Variants in CRTC1 observed in about 807,000 individuals in gnomAD.
The protein encoded by CRTC1 is CREB-regulated transcription coactivator 1.
A neutral mutation model predicts 66.1 loss-of-function variants in CRTC1; 18 were observed. The ratio of observed to expected loss-of-function variants is 0.27; its 90% confidence interval spans 0.19 to 0.40. The LOEUF is 0.40. Among genes scored for constraint, CRTC1 ranks in the 10% least tolerant of loss-of-function variants. CRTC1 has a pLI of 1.00. For missense variants in CRTC1, 669 were observed against 887.9 expected (o/e 0.75, Z 3.13); for synonymous variants, 416 against 398.8 (o/e 1.04, Z -0.51).
At chr19:18,757,350 A>G (rs2054512231) in intron 6 of CRTC1, among the ~76,000 whole-genome samples, 1 of 151,982 alleles carries the variant, frequency 6.6e-6, no homozygotes, top group Admixed American at 6.5e-5. Context: ...TAGTGCCCCC[A>G]ACTCACAGGG....
At chr19:18,716,489 A>T (rs1178392660) in intron 1 of CRTC1, among the ~76,000 whole-genome samples, 1 of 152,098 alleles carries the variant, frequency 6.6e-6, no homozygotes, top group African/African-American at 2.4e-5. Flanking sequence ...TGACCTCATG[A>T]TCCACCCACC....
In CRTC1 at chr19:18,768,224, G is replaced by A. The variant is rs754925128; in HGVS notation, c.1012-261G>A. Among the ~76,000 whole-genome samples, 8 of 152,176 alleles carry A rather than the reference G, an allele frequency of 5.3e-5. No individual in the cohort carries two copies. Among genetic ancestry groups the A allele is most frequent in the Admixed American group, 2.6e-4 (4 of 15,288 alleles). ...GCTGGTGGACTGGCCTGAGCTGCAC[G>A]GCATGTAGTGCGGGTGCAGGCACAA... On this transcript the variant is annotated intron_variant, in intron 9 of 13. Transcript: ENST00000321949. The surrounding 1 kb of genome is among the most constrained non-coding windows in gnomAD (Gnocchi z 5.6).
In CRTC1 at chr19:18,768,423, C is replaced by T; in HGVS notation, c.1012-62C>T. ...TGCTGAGCATGCCAGGCTATGGGGGCCCGAGGGGGCCAGGCGCTGACAACC... is the reference window on the plus strand; with the variant it reads ...TGCTGAGCATGCCAGGCTATGGGGGTCCGAGGGGGCCAGGCGCTGACAACC... On this transcript the variant is annotated intron_variant, in intron 9 of 13. Transcript: ENST00000321949. The surrounding 1 kb of genome is among the most constrained non-coding windows in gnomAD (Gnocchi z 5.6). The T allele has an allele frequency of 7.0e-7, 1 of 1,438,838 alleles. No individual in the cohort carries two copies. Among genetic ancestry groups the T allele is most frequent in the South Asian group, 1.2e-5 (1 of 83,208 alleles). 89.1% of individuals were successfully genotyped at this position (1,438,838 alleles called of 1,614,324 possible). A position where few individuals can be genotyped will look rare whatever the true frequency, so the allele number is the denominator to read the frequency against.
intron 6 of CRTC1, among the ~76,000 whole-genome samples, chr19:18,757,539 T>C (rs748549207): frequency 1.8e-4 from 27 of 152,190 alleles, no homozygotes; most frequent in Admixed American, 1.4e-3. Context: ...CCGGCAGGTC[T>C]TTCTGCTGGG....
At chr19:18,712,328 G>T (rs2053410361) in intron 1 of CRTC1, among the ~76,000 whole-genome samples, 1 of 152,030 alleles carries the variant, frequency 6.6e-6, no homozygotes. Context: ...GCATGATGTT[G>T]GTTCACTGTA....
At chr19:18,746,808 T>G (rs1437628668) in intron 3 of CRTC1, among the ~76,000 whole-genome samples, 2 of 152,112 alleles carry the variant, frequency 1.3e-5, no homozygotes, top group Admixed American at 6.5e-5. Context: ...GCACGTGTGC[T>G]CACGGAGCAG....
intron 1 of CRTC1, among the ~76,000 whole-genome samples, chr19:18,693,541 G>A (rs1266081005): frequency 1.3e-5 from 2 of 149,712 alleles, no homozygotes; most frequent in Non-Finnish European, 3.0e-5. Flanking sequence ...GAGTGCAGCG[G>A]TGTGATCTCA....
intron 1 of CRTC1, among the ~76,000 whole-genome samples, chr19:18,704,824 C>A (rs2053225282): frequency 6.6e-6 from 1 of 152,172 alleles, no homozygotes; most frequent in African/African-American, 2.4e-5. Flanking sequence ...TTGCAATCAT[C>A]ACCACCATCT....
chr19:18,758,901 G>C (rs986593758), intron 6 of CRTC1, among the ~76,000 whole-genome samples: 2 of 152,222 alleles, frequency 1.3e-5, no homozygotes, highest in African/African-American at 2.4e-5. Context: ...GAACAGCATG[G>C]ATGGTTGGGG....
rs2053993990 is a variant in CRTC1 at position 18,736,214 on chromosome 19, G to A, written c.127-6696G>A. On this transcript the variant is annotated intron_variant, in intron 1 of 13. Coordinates refer to ENST00000321949, the MANE Select transcript of CRTC1 (RefSeq NM_015321.3). ...CGCTTGGAGATCCCTCCAAGGCCCAGGCCTCCTGCCTTCATTCCAGGGTCC... is the reference window on the plus strand; with the variant it reads ...CGCTTGGAGATCCCTCCAAGGCCCAAGCCTCCTGCCTTCATTCCAGGGTCC... Among the ~76,000 whole-genome samples, 4 of 152,198 alleles carry A rather than the reference G, an allele frequency of 2.6e-5. No individual in the cohort carries two copies. The South Asian group carries it at 8.3e-4, about 32-fold the overall frequency.
At chr19:18,703,051 C>T (rs955591994) in intron 1 of CRTC1, among the ~76,000 whole-genome samples, 6 of 151,622 alleles carry the variant, frequency 4.0e-5, no homozygotes, top group African/African-American at 1.5e-4. Flanking sequence ...AGCTGAGACT[C>T]GGCTCACTGT....
intron 1 of CRTC1, among the ~76,000 whole-genome samples, chr19:18,690,547 C>T (rs2052804735): frequency 6.6e-6 from 1 of 152,308 alleles, no homozygotes; most frequent in Middle Eastern, 3.4e-3. Flanking sequence ...AGGTTGTGAG[C>T]TGCATGCCCT....
intron 2 of CRTC1, among the ~76,000 whole-genome samples, chr19:18,745,067 CAG>C (rs2054200314): frequency 6.6e-6 from 1 of 152,210 alleles, no homozygotes; most frequent in African/African-American, 2.4e-5. Flanking sequence ...GTGGGCAACA[CAG>C]GGTCAGGGCG....
chr19:18,768,562 A>ACCGCCGCAGCCCCAGCCC lies in CRTC1; in HGVS notation c.1097_1114dup (p.Gln366_Pro371dup). 6.3e-7 allele frequency: 1 copy of ACCGCCGCAGCCCCAGCCC among 1,598,984 alleles called. No homozygotes were observed. The highest frequency in any genetic ancestry group is 8.5e-7 in the Non-Finnish European group (1 of 1,174,056). ...TCACCCAGGCGGGCTCCCAGCAGCC[A>ACCGCCGCAGCCCCAGCCC]CCGCCGCAGCCCCAGCCCCCGCCGC... On this transcript the variant is annotated inframe_insertion, in exon 10 of 14. Coordinates refer to ENST00000321949, the MANE Select transcript of CRTC1 (RefSeq NM_015321.3). This position sits in a 1 kb window ranked among gnomAD's most constrained non-coding sequence, Gnocchi z 5.6.
intron 1 of CRTC1, among the ~76,000 whole-genome samples, chr19:18,687,713 C>T (rs181588942): frequency 2.6e-5 from 4 of 152,242 alleles, no homozygotes; most frequent in South Asian, 2.1e-4. Flanking sequence ...TCACAGTTGC[C>T]GGTGGTGATG....
intron 6 of CRTC1, among the ~76,000 whole-genome samples, chr19:18,758,253 G>A (rs866443142): frequency 3.3e-5 from 5 of 150,472 alleles, no homozygotes; most frequent in East Asian, 2.0e-4. Flanking sequence ...CCAGCTACGC[G>A]AGACACTGAG....
Position 18,768,799 on chromosome 19 carries a change from C to T in CRTC1, c.1320+6C>T, listed in dbSNP as rs777354243. On this transcript the variant is annotated splice_donor_region_variant and intron_variant, in intron 10 of 13. Transcript: ENST00000321949. This position sits in a 1 kb window ranked among gnomAD's most constrained non-coding sequence, Gnocchi z 5.6. ...TGGGGATCGACATCGCCTCGGTAAG[C>T]CCAGGGTGGGGTCCCTCGGGGCCTG... 6.9e-6 allele frequency: 11 copies of T among 1,593,074 alleles called. No homozygotes were observed. Among genetic ancestry groups the T allele is most frequent in the Non-Finnish European group, 9.4e-6 (11 of 1,170,882 alleles).
chr19:18,761,744 G>A (rs2054618686), intron 8 of CRTC1, among the ~76,000 whole-genome samples: 1 of 152,152 alleles, frequency 6.6e-6, no homozygotes, highest in South Asian at 2.1e-4. Flanking sequence ...GCCTGGAGGC[G>A]TTCCTGGCTT....
chr19:18,686,413 C>T (rs2052684932), intron 1 of CRTC1, among the ~76,000 whole-genome samples: 1 of 152,136 alleles, frequency 6.6e-6, no homozygotes, highest in Non-Finnish European at 1.5e-5. Context: ...TTTGGGAGGC[C>T]AAGGTGAGTG....
Sources: allele counts gnomAD v4.1 joint callset (sites outside exome capture counted in the v4.1 genomes callset), GRCh38; gene constraint gnomAD v4.1.1; non-coding constraint Gnocchi (gnomAD v3.1); transcripts MANE v1.5; gene names NCBI Gene and HGNC (gene_info 2026-07-23, HGNC 2026-07-21).